Variants in LINGO2 observed in about 807,000 individuals in gnomAD.
LINGO2 encodes the protein leucine-rich repeat and immunoglobulin-like domain-containing nogo receptor-interacting protein 2.
LINGO2 carries 14 observed loss-of-function variants against 30.6 expected under a neutral mutation model. The ratio of observed to expected loss-of-function variants is 0.46; its 90% CI spans 0.30 to 0.72. The LOEUF (loss-of-function observed/expected upper bound fraction) is 0.72. LINGO2 is among the 30% of genes least tolerant of loss of function. The pLI is 0.07. For missense variants in LINGO2, 729 were observed against 751.7 expected (o/e 0.97, Z 0.35); for synonymous variants, 317 against 288.5 (o/e 1.10, Z -1.00).
chr9:28,981,326 T>C, the LINGO2 span, among the ~76,000 whole-genome samples: 3 of 151,862 alleles, frequency 2.0e-5, no homozygotes, highest in South Asian at 4.2e-4. Context: ...GGAATGCCTA[T>C]GCCACTTGAA....
chr9:29,094,351 A>C, the LINGO2 span, among the ~76,000 whole-genome samples: 1 of 139,242 alleles, frequency 7.2e-6, no homozygotes, highest in Non-Finnish European at 1.6e-5. Flanking sequence ...GTTTCATTAC[A>C]CAAACCCTAT....
chr9:28,068,141 CT>C (rs1332993796), intron 4 of LINGO2, among the ~76,000 whole-genome samples: 1 of 152,224 alleles, frequency 6.6e-6, no homozygotes, highest in East Asian at 1.9e-4. Flanking sequence ...CAAATTTTTT[CT>C]TTTCATGTAG....
intron 1 of LINGO2, among the ~76,000 whole-genome samples, chr9:28,554,162 C>T (rs1467586742): frequency 1.3e-4 from 20 of 151,484 alleles, no homozygotes; most frequent in South Asian, 2.1e-4. Context: ...TAACTTTAAA[C>T]GTAAATGGAC....
chr9:29,149,277 CCAGA>C, the LINGO2 span, among the ~76,000 whole-genome samples: 1 of 151,684 alleles, frequency 6.6e-6, no homozygotes, highest in African/African-American at 2.4e-5. Flanking sequence ...CTGCTTGAGG[CCAGA>C]CATTCAAGAC....
In LINGO2 at chr9:28,130,552, G is replaced by A. The variant is rs563759929; in HGVS notation, c.-86-118147C>T. Among the ~76,000 whole-genome samples the A allele has an allele frequency of 6.6e-6, 1 of 152,252 alleles. No individual in the cohort carries two copies. Among genetic ancestry groups the A allele is most frequent in the Admixed American group, 6.5e-5 (1 of 15,288 alleles). ...AATAGGACATTGCTCCTATGTCAAG[G>A]AGTTTACAATATAGCTGGAGAAACA... is the stretch of plus-strand genomic sequence containing the variant. On this transcript the variant is annotated intron_variant, in intron 4 of 5. Transcript: ENST00000379992. This position sits in a 1 kb window ranked among gnomAD's most constrained non-coding sequence, Gnocchi z 5.2.
chr9:28,120,216 A>T (rs1039613651), intron 4 of LINGO2, among the ~76,000 whole-genome samples: 1 of 152,210 alleles, frequency 6.6e-6, no homozygotes, highest in Non-Finnish European at 1.5e-5. Flanking sequence ...TGGGAAAACC[A>T]ATCTAAGGTA....
intron 4 of LINGO2, among the ~76,000 whole-genome samples, chr9:28,027,999 G>A (rs1823466630): frequency 6.6e-6 from 1 of 152,124 alleles, no homozygotes; most frequent in Admixed American, 6.6e-5. Context: ...CATAAATGGA[G>A]GTTTTTTCTT....
chr9:28,065,203 AAC>A (rs1265033288), intron 4 of LINGO2, among the ~76,000 whole-genome samples: 4 of 151,944 alleles, frequency 2.6e-5, no homozygotes, highest in Non-Finnish European at 5.9e-5. Flanking sequence ...AAAAAAAAAA[AAC>A]AAAAAAAACA....
the LINGO2 span, among the ~76,000 whole-genome samples, chr9:28,838,097 G>T: frequency 6.6e-6 from 1 of 152,200 alleles, no homozygotes; most frequent in African/African-American, 2.4e-5. Context: ...GGGTCCACAG[G>T]TCAAAACTGG....
At chr9:28,880,148 G>A in the LINGO2 span, among the ~76,000 whole-genome samples, 2 of 151,976 alleles carry the variant, frequency 1.3e-5, no homozygotes, top group Non-Finnish European at 2.9e-5. Context: ...TCGCTCTGTC[G>A]CCAAGGCTGG....
intron 3 of LINGO2, among the ~76,000 whole-genome samples, chr9:28,343,557 G>T (rs1357495851): frequency 1.3e-5 from 2 of 152,092 alleles, no homozygotes; most frequent in Non-Finnish European, 2.9e-5. Context: ...GTACTCTTGG[G>T]ACTGAGATGA....
chr9:28,061,733 ACAAT>A (rs1405598481), intron 4 of LINGO2, among the ~76,000 whole-genome samples: 4 of 152,040 alleles, frequency 2.6e-5, no homozygotes, highest in Admixed American at 6.6e-5. Flanking sequence ...TCCTGAAAGC[ACAAT>A]CAAAGAAATG....
At chr9:29,003,465 C>T in the LINGO2 span, among the ~76,000 whole-genome samples, 1 of 151,700 alleles carries the variant, frequency 6.6e-6, no homozygotes, top group Non-Finnish European at 1.5e-5. Context: ...ACAGACAGAC[C>T]ACTAGAGGAC....
intron 3 of LINGO2, among the ~76,000 whole-genome samples, chr9:28,350,308 T>C (rs1396526190): frequency 1.4e-5 from 2 of 142,890 alleles, no homozygotes; most frequent in Admixed American, 7.1e-5. Flanking sequence ...GAGGAAGATC[T>C]ACCAAGCCAA....
At chr9:29,004,991 TAGAA>T in the LINGO2 span, among the ~76,000 whole-genome samples, 8 of 152,134 alleles carry the variant, frequency 5.3e-5, no homozygotes, top group Admixed American at 2.0e-4. Flanking sequence ...CTATTGTACT[TAGAA>T]AGTATCTGCC....
chr9:28,367,511 G>A (rs764443961), intron 3 of LINGO2, among the ~76,000 whole-genome samples: 8 of 151,746 alleles, frequency 5.3e-5, no homozygotes, highest in Non-Finnish European at 1.0e-4. Flanking sequence ...CTTATTTCCT[G>A]GGGGCCATTT....
chr9:28,576,322 T>C (rs79786926), intron 1 of LINGO2, among the ~76,000 whole-genome samples: 6,530 of 152,264 alleles, frequency 0.043, 202 homozygotes, highest in East Asian at 0.075. Context: ...ATTTGAAGTA[T>C]AGTTTCTGCT....
At chr9:28,750,285 A>C in the LINGO2 span, among the ~76,000 whole-genome samples, 2 of 152,152 alleles carry the variant, frequency 1.3e-5, no homozygotes, top group Admixed American at 1.3e-4. Context: ...TCTAAGAACA[A>C]CACCCCAGTC....
At chr9:28,491,992 A>T (rs1220809535) in intron 1 of LINGO2, among the ~76,000 whole-genome samples, 2 of 152,214 alleles carry the variant, frequency 1.3e-5, no homozygotes, top group African/African-American at 2.4e-5. Context: ...TCAAATTATT[A>T]TAAAGAGGAG....
Sources: gnomAD v4.1 joint callset for allele counts (sites outside exome capture counted in the v4.1 genomes callset) on GRCh38, gnomAD v4.1.1 for gene constraint, Gnocchi (gnomAD v3.1) non-coding constraint, MANE v1.5 for transcripts, NCBI Gene and HGNC (gene_info 2026-07-23, HGNC 2026-07-21) for gene names.